The following TMTC1 variants were observed in gnomAD, a reference collection of about 807,000 sequenced individuals.
The protein encoded by TMTC1 is protein O-mannosyl-transferase TMTC1.
TMTC1 carries 73 observed loss-of-function variants against 104.8 expected under a neutral mutation model. The ratio of observed to expected loss-of-function variants is 0.70; its 90% CI spans 0.58 to 0.85. The LOEUF (loss-of-function observed/expected upper bound fraction) is 0.85. TMTC1 is among the 40% of genes least tolerant of loss of function. TMTC1 has a pLI of 0.00. For missense variants in TMTC1, 1,035 were observed against 1,096.1 expected (o/e 0.94, Z 0.79); for synonymous variants, 434 against 428.7 (o/e 1.01, Z -0.15).
At chr12:29,694,482 T>C (rs140278368) in intron 5 of TMTC1, among the ~76,000 whole-genome samples, 6,162 of 152,322 alleles carry the variant, frequency 0.04, 157 homozygotes, top group Middle Eastern at 0.075. Context: ...GTAAATGCTA[T>C]GCAAATAGTT....
At chr12:29,749,749 G>A (rs1007746325) in intron 5 of TMTC1, among the ~76,000 whole-genome samples, 2 of 151,840 alleles carry the variant, frequency 1.3e-5, no homozygotes, top group Non-Finnish European at 2.9e-5. Flanking sequence ...TTTCCACTTA[G>A]TAACTAATGC....
At chr12:29,571,379 G>A (rs765138299) in intron 9 of TMTC1, among the ~76,000 whole-genome samples, 9 of 151,802 alleles carry the variant, frequency 5.9e-5, no homozygotes, top group Admixed American at 2.0e-4. Flanking sequence ...TACCTGAAGC[G>A]GAAGTACCCA....
At chr12:29,748,102 A>G (rs951174051) in intron 5 of TMTC1, among the ~76,000 whole-genome samples, 8 of 152,194 alleles carry the variant, frequency 5.3e-5, no homozygotes, top group African/African-American at 1.9e-4. Context: ...CCAAAGAGAA[A>G]ACATATATGA....
intron 6 of TMTC1, among the ~76,000 whole-genome samples, chr12:29,632,486 C>G (rs192167593): frequency 8.5e-4 from 129 of 152,256 alleles, no homozygotes; most frequent in African/African-American, 2.9e-3. Flanking sequence ...GGGCTTTCCC[C>G]TTCCCCTTCA....
At chr12:29,598,711 T>G (rs1207691682) in intron 7 of TMTC1, among the ~76,000 whole-genome samples, 2 of 152,186 alleles carry the variant, frequency 1.3e-5, no homozygotes, top group African/African-American at 2.4e-5. Context: ...GCAAATGGAA[T>G]TGTTTTCTTT....
chr12:29,583,621 G>A (rs1240657399), intron 7 of TMTC1, 47 bp from the exon 8 acceptor site: 1 of 1,528,166 alleles, frequency 6.5e-7, no homozygotes, highest in East Asian at 2.3e-5. Context: ...GGGTGCAATA[G>A]CTTCCCCCCA....
intron 5 of TMTC1, among the ~76,000 whole-genome samples, chr12:29,656,457 C>T (rs1412793145): frequency 2.0e-5 from 3 of 150,800 alleles, no homozygotes; most frequent in Admixed American, 6.6e-5. Flanking sequence ...CCAGTTCAAG[C>T]GATTCTCCTG....
chr12:29,576,388 G>A (rs866674838), intron 8 of TMTC1, among the ~76,000 whole-genome samples: 2 of 152,086 alleles, frequency 1.3e-5, no homozygotes, highest in South Asian at 4.1e-4. Flanking sequence ...CAACCTGAGT[G>A]TCTATGGACA....
intron 5 of TMTC1, among the ~76,000 whole-genome samples, chr12:29,672,090 T>C (rs1235714219): frequency 6.6e-6 from 1 of 152,176 alleles, no homozygotes; most frequent in Non-Finnish European, 1.5e-5. Context: ...TTCCAATCCC[T>C]GGAAGCTTGA....
intron 5 of TMTC1, among the ~76,000 whole-genome samples, chr12:29,726,904 G>A (rs1942406784): frequency 6.6e-6 from 1 of 152,230 alleles, no homozygotes; most frequent in Non-Finnish European, 1.5e-5. Flanking sequence ...AGCACTAGAT[G>A]TAGTTAAGAG....
At position 29,592,323 on chromosome 12, in the gene TMTC1, G is replaced by A. The variant is rs550955765; in HGVS notation, c.1251-8749C>T. 2.0e-5 allele frequency among the ~76,000 whole-genome samples: 3 copies of A among 152,216 alleles called. No homozygotes were observed. The South Asian group carries it at 6.2e-4, about 32-fold the overall frequency. On this transcript the variant is annotated intron_variant, in intron 7 of 17. Transcript: ENST00000539277. ...CAATGGTTGGAGAAATTTTCCAGAA[G>A]AATGAATATATTTGGAAGTGAGAGT... is the stretch of plus-strand genomic sequence containing the variant.
intron 5 of TMTC1, among the ~76,000 whole-genome samples, chr12:29,743,066 G>A (rs1020847563): frequency 1.3e-5 from 2 of 152,194 alleles, no homozygotes; most frequent in Admixed American, 6.5e-5. Flanking sequence ...CCACAATTAA[G>A]AGCTATCATA....
intron 5 of TMTC1, among the ~76,000 whole-genome samples, chr12:29,642,188 C>T (rs1233188555): frequency 6.6e-6 from 1 of 152,178 alleles, no homozygotes; most frequent in Non-Finnish European, 1.5e-5. Context: ...TCGAGGAAAA[C>T]TTGCCTGTCC....
intron 4 of TMTC1, among the ~76,000 whole-genome samples, chr12:29,752,514 G>T (rs139599310): frequency 6.6e-6 from 1 of 152,132 alleles, no homozygotes; most frequent in Non-Finnish European, 1.5e-5. Flanking sequence ...CCATGGCTAC[G>T]CCTGAAAGAA....
intron 7 of TMTC1, among the ~76,000 whole-genome samples, chr12:29,592,820 C>T (rs577505279): frequency 1.3e-5 from 2 of 152,274 alleles, no homozygotes; most frequent in Admixed American, 1.3e-4. Flanking sequence ...AAACATTATA[C>T]TATAATGATA....
chr12:29,594,450 C>A (rs531611943), intron 7 of TMTC1, among the ~76,000 whole-genome samples: 1 of 152,320 alleles, frequency 6.6e-6, no homozygotes, highest in Admixed American at 6.5e-5. Flanking sequence ...CCTTTTGTAA[C>A]CAACATCTAT....
intron 6 of TMTC1, among the ~76,000 whole-genome samples, chr12:29,628,553 T>A (rs957128440): frequency 5.9e-5 from 9 of 152,366 alleles, no homozygotes; most frequent in South Asian, 2.1e-4. Context: ...ACAGACTTTA[T>A]AAGAAACATT....
chr12:29,631,897 G>A (rs1158930114), intron 6 of TMTC1, among the ~76,000 whole-genome samples: 2 of 152,152 alleles, frequency 1.3e-5, no homozygotes, highest in Admixed American at 6.5e-5. Context: ...TTGGGCAGAG[G>A]TTATACATGG....
At chr12:29,745,223 A>G (rs924489066) in intron 5 of TMTC1, among the ~76,000 whole-genome samples, 11 of 152,150 alleles carry the variant, frequency 7.2e-5, no homozygotes, top group African/African-American at 2.7e-4. Context: ...GCAGTAATCA[A>G]CCACCTCCCT....
Sources: gnomAD v4.1 joint callset for allele counts (sites outside exome capture counted in the v4.1 genomes callset) on GRCh38, gnomAD v4.1.1 for gene constraint, MANE v1.5 for transcripts, NCBI Gene and HGNC (gene_info 2026-07-23, HGNC 2026-07-21) for gene names.